CCDC39: variants seen among roughly 807,000 people sequenced by gnomAD.
CCDC39 encodes the protein coiled-coil domain-containing protein 39.
Under a neutral mutation model 121.0 loss-of-function variants are expected in CCDC39, and 113 were observed. The observed-to-expected ratio is 0.93, with a 90% CI of 0.80 to 1.09. The LOEUF (loss-of-function observed/expected upper bound fraction) is 1.09. CCDC39 is among the 50% of genes least tolerant of loss of function. The pLI is 0.00. For synonymous variants in CCDC39, 349 were observed against 352.2 expected (o/e 0.99, Z 0.10); for missense variants, 1,063 against 1,074.7 (o/e 0.99, Z 0.15).
chr3:180,678,854 C>T (rs1365478458), intron 1 of CCDC39, among the ~76,000 whole-genome samples: 1 of 152,148 alleles, frequency 6.6e-6, no homozygotes, highest in Non-Finnish European at 1.5e-5. Flanking sequence ...CAGACAAAAA[C>T]TCACAAAGAA....
chr3:180,649,955 T>G (rs1384358322), intron 9 of CCDC39, among the ~76,000 whole-genome samples: 1 of 152,224 alleles, frequency 6.6e-6, no homozygotes, highest in Non-Finnish European at 1.5e-5. Context: ...CATGTCAAGA[T>G]TGCAGCATGA....
chr3:180,670,842 G>A (rs1712023439), intron 1 of CCDC39, among the ~76,000 whole-genome samples: 1 of 152,010 alleles, frequency 6.6e-6, no homozygotes, highest in East Asian at 1.9e-4. Context: ...GGGATGAAGG[G>A]GAAGCAGCTT....
intron 11 of CCDC39, among the ~76,000 whole-genome samples, chr3:180,645,505 G>A (rs1162290284): frequency 6.6e-6 from 1 of 151,964 alleles, no homozygotes; most frequent in Non-Finnish European, 1.5e-5. Context: ...CTAATTGCCT[G>A]CATTTCTCTG....
intron 14 of CCDC39, among the ~76,000 whole-genome samples, chr3:180,626,536 C>G (rs1054419986): frequency 6.6e-5 from 10 of 152,116 alleles, no homozygotes; most frequent in African/African-American, 2.4e-4. Flanking sequence ...AGTGGGACAG[C>G]AGGAATCGTC....
chr3:180,664,977 G>T (rs1196876142), intron 1 of CCDC39, among the ~76,000 whole-genome samples: 1 of 151,810 alleles, frequency 6.6e-6, no homozygotes, highest in Non-Finnish European at 1.5e-5. Context: ...CAATGTGCTG[G>T]GATTACAGGC....
At chr3:180,669,649 C>T (rs964362704) in intron 1 of CCDC39, among the ~76,000 whole-genome samples, 7 of 152,072 alleles carry the variant, frequency 4.6e-5, no homozygotes, top group Non-Finnish European at 1.0e-4. Context: ...CTCACTACCT[C>T]CTAAGGAAAT....
Position 180,642,103 on chromosome 3 carries a change from T to C in CCDC39, c.1764A>G (p.Arg588=), listed in dbSNP as rs772614285. The change falls in exon 13 of 20, where the codon AGA becomes AGG. Residue 588 remains arginine (R), a synonymous_variant. Coordinates refer to ENST00000476379, the MANE Select transcript of CCDC39 (RefSeq NM_181426.2). ...KAEEVLSLEK[R]KQQLYTAMEE... ...CCATTGCTGTGTATAATTGCTGTTT[T>C]CTTTTTTCTAGGGAAAGAACTTCTT... The C allele has an allele frequency of 1.2e-6, 2 of 1,613,128 alleles. No homozygotes were observed. The highest frequency in any genetic ancestry group is 1.3e-5 in the African/African-American group (1 of 74,908).
intron 12 of CCDC39, 104 bp downstream of exon 12, chr3:180,644,016 T>C: frequency 1.2e-6 from 1 of 801,632 alleles, no homozygotes. Flanking sequence ...ATAGTGATTA[T>C]AGTGACATTT....
intron 2 of CCDC39, among the ~76,000 whole-genome samples, chr3:180,662,504 T>C (rs1386685000): frequency 6.6e-6 from 1 of 152,138 alleles, no homozygotes; most frequent in African/African-American, 2.4e-5. Flanking sequence ...TAAAAGAGTA[T>C]GTGTTAACTA....
At chr3:180,646,459 C>A (rs1718070437) in intron 11 of CCDC39, among the ~76,000 whole-genome samples, 1 of 152,002 alleles carries the variant, frequency 6.6e-6, no homozygotes, top group African/African-American at 2.4e-5. Context: ...ACTCTCTAGT[C>A]AAACTTTAAC....
intron 13 of CCDC39, among the ~76,000 whole-genome samples, chr3:180,639,917 T>C (rs75962508): frequency 0.012 from 1,822 of 152,158 alleles, 34 homozygotes; most frequent in African/African-American, 0.042. Context: ...ATACACAACA[T>C]GGATGAATTT....
At chr3:180,673,461 G>T (rs1712104497) in intron 1 of CCDC39, among the ~76,000 whole-genome samples, 1 of 152,200 alleles carries the variant, frequency 6.6e-6, no homozygotes, top group Non-Finnish European at 1.5e-5. Context: ...ACAACTCACT[G>T]AAGGCTCAGA....
chr3:180,624,677 G>A (rs994394738), intron 14 of CCDC39, among the ~76,000 whole-genome samples: 2 of 152,140 alleles, frequency 1.3e-5, no homozygotes, highest in African/African-American at 4.8e-5. Flanking sequence ...TAGAGGACCA[G>A]TCTAGTGGTG....
rs751710659 is a variant in CCDC39, at chr3:180,619,986, T to C, written c.1999-16A>G. ...CTTGAGCAGCCTATGAAGTACAGAA[T>C]AGAACTGGTTGAATAAAAGCATTTA... On this transcript the variant is annotated splice_polypyrimidine_tract_variant and intron_variant, in intron 14 of 19. Coordinates refer to ENST00000476379, the MANE Select transcript of CCDC39 (RefSeq NM_181426.2). The C allele has an allele frequency of 2.5e-6, 4 of 1,569,926 alleles. No homozygotes were observed. The South Asian group carries it at 4.8e-5, about 19-fold the overall frequency.
At position 180,679,174 on chromosome 3, in the gene CCDC39, G is replaced by A; in HGVS notation, c.90+117C>T. 1 of 799,602 alleles carries A rather than the reference G, an allele frequency of 1.3e-6. No homozygotes were observed. Among genetic ancestry groups the A allele is most frequent in the East Asian group, 2.4e-5 (1 of 41,042 alleles). 49.5% of individuals were successfully genotyped at this position (799,602 alleles called of 1,614,324 possible). A position where few individuals can be genotyped will look rare whatever the true frequency, so the allele number is the denominator to read the frequency against. The stretch of plus-strand genomic sequence containing the variant: ...AGGGCGATGGTGCGGGGGAGTGTTA[G>A]AGGAAGCACAGGATTAGGAAAGGAG... On this transcript the variant is annotated intron_variant, in intron 1 of 19. Coordinates refer to ENST00000476379, the MANE Select transcript of CCDC39 (RefSeq NM_181426.2). This position sits in a 1 kb window ranked among gnomAD's most constrained non-coding sequence, Gnocchi z 4.0.
At chr3:180,637,620 CAT>C (rs746698947) in intron 13 of CCDC39, among the ~76,000 whole-genome samples, 41 of 152,182 alleles carry the variant, frequency 2.7e-4, no homozygotes, top group Non-Finnish European at 5.7e-4. Context: ...CATAAAGACA[CAT>C]GTGCACAAAT....
At chr3:180,627,324 G>C (rs1335867979) in intron 14 of CCDC39, among the ~76,000 whole-genome samples, 1 of 152,092 alleles carries the variant, frequency 6.6e-6, no homozygotes, top group Non-Finnish European at 1.5e-5. Context: ...TCTCAAATTG[G>C]TAACCCCATT....
intron 1 of CCDC39, among the ~76,000 whole-genome samples, chr3:180,672,059 TTCATAGCTA>T (rs1712063876): frequency 6.6e-6 from 1 of 152,164 alleles, no homozygotes. Context: ...AATGCCTGGG[TTCATAGCTA>T]CAAAGGACAG....
At chr3:180,634,983 A>G (rs1717790773) in intron 13 of CCDC39, among the ~76,000 whole-genome samples, 1 of 152,180 alleles carries the variant, frequency 6.6e-6, no homozygotes, top group Non-Finnish European at 1.5e-5. Flanking sequence ...AAACTGCTAT[A>G]AAGATACTAC....
Sources: allele counts gnomAD v4.1 joint callset (sites outside exome capture counted in the v4.1 genomes callset), GRCh38; gene constraint gnomAD v4.1.1; non-coding constraint Gnocchi (gnomAD v3.1); transcripts MANE v1.5; gene names NCBI Gene and HGNC (gene_info 2026-07-23, HGNC 2026-07-21).